The following CWC27 variants were observed in gnomAD, a reference collection of about 807,000 sequenced individuals.
CWC27 encodes spliceosome-associated protein CWC27 homolog.
A neutral mutation model predicts 63.6 loss-of-function variants in CWC27; 47 were observed. That is an observed-to-expected ratio of 0.74 (90% CI 0.58 to 0.94). CWC27 has a LOEUF of 0.94. Ranked by LOEUF, CWC27 falls within the 40% of genes least tolerant of loss-of-function variation. CWC27 has a pLI of 0.00. For missense variants in CWC27, 495 were observed against 554.3 expected (o/e 0.89, Z 1.07); for synonymous variants, 175 against 179.8 (o/e 0.97, Z 0.22).
At chr5:64,801,438 A>G in intron 9 of CWC27, 106 bp downstream of exon 9, 1 of 916,372 alleles carries the variant, frequency 1.1e-6, no homozygotes, top group Non-Finnish European at 1.5e-6. Flanking sequence ...TATTACTTTT[A>G]TAGTTATATA....
chr5:64,830,398 C>A (rs1350480819), intron 10 of CWC27, among the ~76,000 whole-genome samples: 2 of 152,080 alleles, frequency 1.3e-5, no homozygotes, highest in African/African-American at 4.8e-5. Context: ...AAACTGGATT[C>A]TTTCTTTACA....
At chr5:64,954,231 A>G (rs1748762352) in intron 11 of CWC27, among the ~76,000 whole-genome samples, 1 of 152,156 alleles carries the variant, frequency 6.6e-6, no homozygotes, top group Admixed American at 6.5e-5. Flanking sequence ...CCAAAAGCAT[A>G]GGTCTCCAAG....
intron 10 of CWC27, among the ~76,000 whole-genome samples, chr5:64,845,614 T>C (rs1745956676): frequency 6.6e-6 from 1 of 152,140 alleles, no homozygotes; most frequent in Non-Finnish European, 1.5e-5. Flanking sequence ...AAAGCATCAT[T>C]GGTGGATTTG....
intron 11 of CWC27, among the ~76,000 whole-genome samples, chr5:64,915,353 T>A (rs550495381): frequency 4.6e-5 from 7 of 152,174 alleles, no homozygotes; most frequent in Middle Eastern, 3.4e-3. Flanking sequence ...TAGGGAAAGA[T>A]AATGGTTACT....
chr5:64,826,076 AATCTATCTATCTATCTATCT>A (rs148024057), intron 10 of CWC27, among the ~76,000 whole-genome samples: 1 of 148,316 alleles, frequency 6.7e-6, no homozygotes, highest in Non-Finnish European at 1.5e-5. Flanking sequence ...CTTTGTAATA[AATCTATCTATCTATCTATCT>A]ATCTATCTAT....
chr5:64,803,504 G>C (rs1744555155), intron 9 of CWC27, among the ~76,000 whole-genome samples: 1 of 152,158 alleles, frequency 6.6e-6, no homozygotes, highest in African/African-American at 2.4e-5. Flanking sequence ...AATAAGCCAG[G>C]GAAGATGAAA....
intron 11 of CWC27, among the ~76,000 whole-genome samples, chr5:64,927,056 G>T (rs1467250741): frequency 1.3e-5 from 2 of 152,112 alleles, no homozygotes; most frequent in Non-Finnish European, 2.9e-5. Context: ...GATTTACCAT[G>T]TGCTATATTT....
intron 13 of CWC27, among the ~76,000 whole-genome samples, chr5:64,978,752 T>C (rs1291700055): frequency 1.3e-5 from 2 of 152,120 alleles, no homozygotes; most frequent in African/African-American, 2.4e-5. Context: ...TTGAAGGAAA[T>C]ATGACCCGTG....
intron 10 of CWC27, among the ~76,000 whole-genome samples, chr5:64,825,831 G>A (rs545026509): frequency 3.3e-5 from 5 of 152,260 alleles, no homozygotes; most frequent in Non-Finnish European, 7.4e-5. Flanking sequence ...TGTGATTAAC[G>A]TCTACAATCA....
chr5:64,958,028 GC>G (rs1748835084), intron 11 of CWC27, among the ~76,000 whole-genome samples: 1 of 151,798 alleles, frequency 6.6e-6, no homozygotes, highest in Non-Finnish European at 1.5e-5. Flanking sequence ...ACTCAACAAA[GC>G]CCTTTACTCC....
intron 11 of CWC27, among the ~76,000 whole-genome samples, chr5:64,912,473 A>T (rs924425059): frequency 2.4e-4 from 37 of 152,062 alleles, no homozygotes; most frequent in Non-Finnish European, 2.9e-4. Flanking sequence ...CTTTTAAGAA[A>T]TTTTTTTTAT....
chr5:64,923,566 C>A (rs1748042185), intron 11 of CWC27, among the ~76,000 whole-genome samples: 1 of 147,586 alleles, frequency 6.8e-6, no homozygotes, highest in Admixed American at 6.8e-5. Flanking sequence ...CTAGTTTACT[C>A]AATATTCTGG....
In CWC27 at chr5:64,969,750, G is replaced by A. The variant is rs149020168; in HGVS notation, c.1043-1953G>A. On this transcript the variant is annotated intron_variant, in intron 11 of 13. Transcript: ENST00000381070. ...AGAGTAAACAGGAAATCGCCATAAAGTGTGATAAGTGCTAAAGGGTGCTTT... is the reference window on the plus strand; with the variant it reads ...AGAGTAAACAGGAAATCGCCATAAAATGTGATAAGTGCTAAAGGGTGCTTT... Among the ~76,000 whole-genome samples the A allele has an allele frequency of 4.1e-3, 622 of 151,922 alleles. 2 individuals are homozygous for A. Among genetic ancestry groups the A allele is most frequent in the African/African-American group, 0.014 (581 of 41,510 alleles).
chr5:64,830,586 T>C (rs1745492258), intron 10 of CWC27, among the ~76,000 whole-genome samples: 1 of 152,050 alleles, frequency 6.6e-6, no homozygotes, highest in East Asian at 1.9e-4. Flanking sequence ...GGGATCTAAT[T>C]AAACTAAAGA....
chr5:65,009,472 G>T (rs1329095202), intron 13 of CWC27, among the ~76,000 whole-genome samples: 3 of 152,178 alleles, frequency 2.0e-5, no homozygotes, highest in African/African-American at 7.2e-5. Flanking sequence ...CACTATTATG[G>T]ACTGAATTGT....
intron 10 of CWC27, among the ~76,000 whole-genome samples, chr5:64,868,165 A>G (rs1746575955): frequency 6.6e-6 from 1 of 152,068 alleles, no homozygotes; most frequent in Admixed American, 6.6e-5. Context: ...CCCAGAATAT[A>G]CCATCCCCAT....
intron 10 of CWC27, among the ~76,000 whole-genome samples, chr5:64,834,608 G>T (rs1258469785): frequency 6.6e-6 from 1 of 151,678 alleles, no homozygotes; most frequent in Non-Finnish European, 1.5e-5. Flanking sequence ...CGATTTCCAA[G>T]CATTTATCTT....
chr5:64,957,395 C>T (rs767672207), intron 11 of CWC27, among the ~76,000 whole-genome samples: 4 of 152,032 alleles, frequency 2.6e-5, no homozygotes, highest in African/African-American at 7.2e-5. Flanking sequence ...ACAAGAATTG[C>T]GGATCACACC....
At chr5:64,885,413 T>A (rs770663203) in intron 10 of CWC27, 30 bp from the exon 11 acceptor site, 33 of 1,463,416 alleles carry the variant, frequency 2.3e-5, no homozygotes, top group Non-Finnish European at 2.9e-5. Flanking sequence ...CAATATATTA[T>A]ATACTTATAT....
Sources: allele counts gnomAD v4.1 joint callset (sites outside exome capture counted in the v4.1 genomes callset), GRCh38; gene constraint gnomAD v4.1.1; transcripts MANE v1.5; gene names NCBI Gene and HGNC (gene_info 2026-07-23, HGNC 2026-07-21).